The following TMEFF2 variants were observed in gnomAD, a reference collection of about 807,000 sequenced individuals.
TMEFF2 encodes tomoregulin-2.
TMEFF2 carries 28 observed loss-of-function variants against 53.8 expected under a neutral mutation model. The observed-to-expected ratio is 0.52, with a 90% CI of 0.39 to 0.71. The LOEUF (loss-of-function observed/expected upper bound fraction) is 0.71. Ranked by LOEUF, TMEFF2 falls within the 30% of genes least tolerant of loss-of-function variation. The pLI, the probability that TMEFF2 is intolerant of heterozygous loss-of-function variation, is 0.00. For synonymous variants in TMEFF2, 162 were observed against 166.3 expected, an observed-to-expected ratio of 0.97 and a Z score of 0.20; for missense variants, 353 against 455.2, an observed-to-expected ratio of 0.78 and a Z score of 2.04.
chr2:192,028,056 A>AT (rs1316762446), intron 5 of TMEFF2: 2 of 18,050 alleles, frequency 1.1e-4, no homozygotes, highest in Admixed American at 1.1e-3. Flanking sequence ...TGATTGAATT[A>AT]TGGGGGGGGG....
chr2:192,130,756 A>G (rs538725257), intron 4 of TMEFF2, among the ~76,000 whole-genome samples: 5 of 152,118 alleles, frequency 3.3e-5, no homozygotes, highest in African/African-American at 4.8e-5. Flanking sequence ...CCCAGGTGAA[A>G]TAAACAGCCA....
intron 2 of TMEFF2, among the ~76,000 whole-genome samples, chr2:192,188,539 TC>T (rs776830463): frequency 6.6e-6 from 1 of 152,192 alleles, no homozygotes; most frequent in Non-Finnish European, 1.5e-5. Flanking sequence ...AATGGCAGAT[TC>T]ATCAACAAAA....
intron 5 of TMEFF2, among the ~76,000 whole-genome samples, chr2:192,002,341 A>G (rs1315285424): frequency 6.6e-6 from 1 of 152,158 alleles, no homozygotes; most frequent in Non-Finnish European, 1.5e-5. Context: ...TCTCAATTGC[A>G]TATCCTCATC....
rs186791848 is a variant in TMEFF2, at chr2:192,104,775, T to G, written c.440-47000A>C. ...TGTCACAAATTTCTGGCCAATACATTCATTTCCTATCATATTCAAAGAAAA... is the reference window on the plus strand; with the variant it reads ...TGTCACAAATTTCTGGCCAATACATGCATTTCCTATCATATTCAAAGAAAA... On this transcript the variant is annotated intron_variant, in intron 4 of 9. Transcript: ENST00000272771. Among the ~76,000 whole-genome samples the G allele has an allele frequency of 4.6e-5, 7 of 152,186 alleles. No homozygotes were observed. The East Asian group carries it at 1.2e-3, about 25-fold the overall frequency.
rs10210809 is a variant in TMEFF2 at position 192,096,048 on chromosome 2, G to A, written c.440-38273C>T. ...TTTTCATAATGAGAAGTGGTATTATGGGAATTTAAAACACTGCTCTACAGA... is the reference window on the plus strand; with the variant it reads ...TTTTCATAATGAGAAGTGGTATTATAGGAATTTAAAACACTGCTCTACAGA... On this transcript the variant is annotated intron_variant, in intron 4 of 9. Coordinates refer to ENST00000272771, the MANE Select transcript of TMEFF2 (RefSeq NM_016192.4). Among the ~76,000 whole-genome samples the A allele has an allele frequency of 5.8e-3, 880 of 152,250 alleles. 8 individuals carry two copies. Among genetic ancestry groups the A allele is most frequent in the African/African-American group, 0.02 (848 of 41,536 alleles).
intron 4 of TMEFF2, among the ~76,000 whole-genome samples, chr2:192,065,022 A>C (rs569000151): frequency 6.6e-6 from 1 of 152,008 alleles, no homozygotes; most frequent in Admixed American, 6.6e-5. Context: ...AAGGAAATAA[A>C]TATTTTTACA....
intron 4 of TMEFF2, among the ~76,000 whole-genome samples, chr2:192,167,221 A>T (rs954131495): frequency 2.6e-5 from 4 of 152,192 alleles, no homozygotes; most frequent in Admixed American, 2.6e-4. Context: ...CTAATAAAAT[A>T]TCTAATGGCA....
intron 4 of TMEFF2, among the ~76,000 whole-genome samples, chr2:192,065,308 G>A (rs556119561): frequency 1.3e-5 from 2 of 151,834 alleles, no homozygotes; most frequent in South Asian, 4.1e-4. Context: ...TTTAAATTAA[G>A]CATAGCATAA....
intron 5 of TMEFF2, among the ~76,000 whole-genome samples, chr2:192,048,435 G>C (rs1343728532): frequency 6.6e-6 from 1 of 151,234 alleles, no homozygotes; most frequent in South Asian, 2.1e-4. Flanking sequence ...TTATCTTAGA[G>C]AGGGATGACA....
At chr2:192,158,224 T>C (rs1210479310) in intron 4 of TMEFF2, among the ~76,000 whole-genome samples, 1 of 152,140 alleles carries the variant, frequency 6.6e-6, no homozygotes, top group Non-Finnish European at 1.5e-5. Context: ...TTAAAAAATC[T>C]ATGGAATGAT....
chr2:191,982,754 TATA>T (rs1170587109), intron 7 of TMEFF2, among the ~76,000 whole-genome samples: 1 of 152,164 alleles, frequency 6.6e-6, no homozygotes, highest in African/African-American at 2.4e-5. Flanking sequence ...TTGAATGTAA[TATA>T]ATATTACTAG....
intron 4 of TMEFF2, among the ~76,000 whole-genome samples, chr2:192,084,891 T>C (rs182826972): frequency 1.0e-3 from 152 of 152,324 alleles, no homozygotes; most frequent in African/African-American, 3.2e-3. Flanking sequence ...CACTTTTTAG[T>C]TTCCTTGTTT....
chr2:192,086,390 T>C (rs1048829124), intron 4 of TMEFF2, among the ~76,000 whole-genome samples: 1 of 152,130 alleles, frequency 6.6e-6, no homozygotes, highest in African/African-American at 2.4e-5. Context: ...TCTGACAAGG[T>C]TTTTGTCTTG....
intron 4 of TMEFF2, among the ~76,000 whole-genome samples, chr2:192,102,405 C>T (rs996057720): frequency 5.3e-5 from 8 of 152,004 alleles, no homozygotes; most frequent in Middle Eastern, 3.2e-3. Flanking sequence ...TAGGGTCCCA[C>T]GGGTGTGCCT....
At chr2:192,016,039 G>C (rs1270799461) in intron 5 of TMEFF2, among the ~76,000 whole-genome samples, 6 of 152,098 alleles carry the variant, frequency 3.9e-5, no homozygotes, top group Admixed American at 3.9e-4. Context: ...AATGCCTTGG[G>C]TCACACAGAA....
chr2:191,994,841 A>G (rs1429724908), intron 7 of TMEFF2, among the ~76,000 whole-genome samples: 1 of 152,026 alleles, frequency 6.6e-6, no homozygotes, highest in African/African-American at 2.4e-5. Flanking sequence ...TCATCTGACA[A>G]GTATCCTGTC....
At position 192,118,721 on chromosome 2, in the gene TMEFF2, G is replaced by A. The variant is rs998932563; in HGVS notation, c.440-60946C>T. On this transcript the variant is annotated intron_variant, in intron 4 of 9. Coordinates refer to ENST00000272771, the MANE Select transcript of TMEFF2 (RefSeq NM_016192.4). ...GACCAAATTTCTTTGTACAGCAGAT[G>A]TAAAATGTCCATAAAGTAAGTAAAT... 7.2e-5 allele frequency among the ~76,000 whole-genome samples: 11 copies of A among 152,250 alleles called. 2 individuals carry two copies. The highest frequency in any genetic ancestry group is 2.0e-4 in the Admixed American group (3 of 15,272).
chr2:192,188,340 A>G (rs1379398757), intron 2 of TMEFF2, among the ~76,000 whole-genome samples: 2 of 152,184 alleles, frequency 1.3e-5, no homozygotes. Flanking sequence ...CCACTATGCT[A>G]TGAGGAAGAC....
intron 7 of TMEFF2, among the ~76,000 whole-genome samples, chr2:191,979,303 T>C (rs962919465): frequency 3.9e-5 from 6 of 152,220 alleles, no homozygotes; most frequent in African/African-American, 1.2e-4. Context: ...AAATACTTGA[T>C]AGGAAGTTCT....
Sources: allele counts gnomAD v4.1 joint callset (sites outside exome capture counted in the v4.1 genomes callset), GRCh38; gene constraint gnomAD v4.1.1; transcripts MANE v1.5; gene names NCBI Gene and HGNC (gene_info 2026-07-23, HGNC 2026-07-21).